The following PRKCE variants were observed in gnomAD, a reference collection of about 807,000 sequenced individuals.
The protein encoded by PRKCE is protein kinase C epsilon type.
A neutral mutation model predicts 85.4 loss-of-function variants in PRKCE; 16 were observed. The observed-to-expected ratio is 0.19, with a 90% CI of 0.13 to 0.28. The LOEUF (loss-of-function observed/expected upper bound fraction) is 0.28. Among genes scored for constraint, PRKCE ranks in the 10% least tolerant of loss-of-function variants. The pLI is 1.00. For synonymous variants in PRKCE, 388 were observed against 371.5 expected, an observed-to-expected ratio of 1.04 and a Z score of -0.51; for missense variants, 573 against 975.2, an observed-to-expected ratio of 0.59 and a Z score of 5.49.
chr2:45,710,266 A>C (rs1161043863), intron 1 of PRKCE, among the ~76,000 whole-genome samples: 1 of 152,234 alleles, frequency 6.6e-6, no homozygotes, highest in Non-Finnish European at 1.5e-5. Context: ...TGAGAGATTA[A>C]GGAACACATC....
intron 2 of PRKCE, among the ~76,000 whole-genome samples, chr2:45,972,596 T>C (rs1435595078): frequency 6.6e-6 from 1 of 152,226 alleles, no homozygotes; most frequent in African/African-American, 2.4e-5. Context: ...ATGGTTTCAG[T>C]GTTTACATTT....
chr2:45,808,737 G>A (rs1389215573), intron 1 of PRKCE, among the ~76,000 whole-genome samples: 1 of 152,176 alleles, frequency 6.6e-6, no homozygotes, highest in Admixed American at 6.5e-5. Flanking sequence ...ATAATCTTAG[G>A]ACTGGAAATT....
rs568850760 is a variant in PRKCE, at chr2:45,817,562, T to C, written c.349-25438T>C. Among the ~76,000 whole-genome samples, 104 of 151,946 alleles carry C rather than the reference T, an allele frequency of 6.8e-4. 1 individual carries two copies. The highest frequency in any genetic ancestry group is 2.3e-3 in the South Asian group (11 of 4,812). ...CAAAAAAATCAGCCGGGCATGGTGGTGGGCGCCTGTAGTCCCAGCTACTCA... is the reference window on the plus strand; with the variant it reads ...CAAAAAAATCAGCCGGGCATGGTGGCGGGCGCCTGTAGTCCCAGCTACTCA... On this transcript the variant is annotated intron_variant, in intron 1 of 14. Transcript: ENST00000306156.
At chr2:46,176,189 T>C (rs556148187) in intron 14 of PRKCE, among the ~76,000 whole-genome samples, 1 of 152,134 alleles carries the variant, frequency 6.6e-6, no homozygotes, top group Non-Finnish European at 1.5e-5. Flanking sequence ...TAAGAGGAAA[T>C]TGAAACCCAA....
intron 2 of PRKCE, among the ~76,000 whole-genome samples, chr2:45,885,084 C>A (rs1393026582): frequency 1.4e-5 from 2 of 148,102 alleles, no homozygotes; most frequent in Admixed American, 1.4e-4. Context: ...AGAAACAATG[C>A]CACAGTGAGC....
chr2:45,893,233 G>C (rs1573776825), intron 2 of PRKCE, among the ~76,000 whole-genome samples: 1 of 152,158 alleles, frequency 6.6e-6, no homozygotes, highest in East Asian at 1.9e-4. Flanking sequence ...TGATAGAAGG[G>C]CATGACCTGT....
chr2:45,843,889 G>A (rs928275306), intron 2 of PRKCE, among the ~76,000 whole-genome samples: 3 of 152,334 alleles, frequency 2.0e-5, no homozygotes. Context: ...AGGGATATTG[G>A]AAGACCATGT....
intron 1 of PRKCE, among the ~76,000 whole-genome samples, chr2:45,702,596 A>G (rs770812217): frequency 1.8e-4 from 28 of 152,202 alleles, no homozygotes; most frequent in Non-Finnish European, 8.8e-5. Flanking sequence ...ACCTGGTTCC[A>G]TAAACATTTG....
intron 1 of PRKCE, among the ~76,000 whole-genome samples, chr2:45,694,998 C>T (rs1436661949): frequency 2.0e-5 from 3 of 152,120 alleles, no homozygotes; most frequent in Non-Finnish European, 4.4e-5. Flanking sequence ...TATAAAGAGC[C>T]AACTGCCTCA....
At chr2:45,890,103 T>C (rs1056692024) in intron 2 of PRKCE, among the ~76,000 whole-genome samples, 34 of 152,254 alleles carry the variant, frequency 2.2e-4, no homozygotes, top group Non-Finnish European at 4.4e-4. Context: ...ATTTGAGTCC[T>C]CTCCCTTGGT....
chr2:45,959,013 G>T (rs1701203775), intron 2 of PRKCE, among the ~76,000 whole-genome samples: 1 of 150,928 alleles, frequency 6.6e-6, no homozygotes, highest in Non-Finnish European at 1.5e-5. Flanking sequence ...AGGCTGACAG[G>T]TTAAGAGTCA....
intron 6 of PRKCE, among the ~76,000 whole-genome samples, chr2:45,992,551 C>T (rs1385306315): frequency 1.3e-5 from 2 of 152,212 alleles, no homozygotes; most frequent in African/African-American, 2.4e-5. Flanking sequence ...TATTTGCTCT[C>T]TGTCTCTGAG....
chr2:45,699,674 G>GT (rs1678456262), intron 1 of PRKCE, among the ~76,000 whole-genome samples: 2 of 152,288 alleles, frequency 1.3e-5, no homozygotes, highest in African/African-American at 4.8e-5. Flanking sequence ...AACCAGTCTT[G>GT]TTTTTTTATG....
chr2:45,759,969 A>G (rs1684325314), intron 1 of PRKCE, among the ~76,000 whole-genome samples: 3 of 152,170 alleles, frequency 2.0e-5, no homozygotes, highest in African/African-American at 4.8e-5. Flanking sequence ...GCAGCCCTTG[A>G]GTCTTAGCTT....
chr2:46,166,468 G>T (rs1040923650), intron 14 of PRKCE, among the ~76,000 whole-genome samples: 5 of 152,254 alleles, frequency 3.3e-5, no homozygotes, highest in African/African-American at 7.2e-5. Context: ...GGGCTGGAGG[G>T]CATGGGAAAA....
intron 1 of PRKCE, among the ~76,000 whole-genome samples, chr2:45,709,849 A>T (rs1342864578): frequency 6.6e-6 from 1 of 152,026 alleles, no homozygotes; most frequent in Non-Finnish European, 1.5e-5. Flanking sequence ...TCACTCTGTC[A>T]CCCAGGCTGG....
chr2:46,103,663 A>G (rs1671447794), intron 11 of PRKCE, among the ~76,000 whole-genome samples: 1 of 152,230 alleles, frequency 6.6e-6, no homozygotes, highest in Non-Finnish European at 1.5e-5. Context: ...CCTTACTGAT[A>G]ACATAAACAG....
chr2:45,685,321 TA>T (rs1304995149), intron 1 of PRKCE: 1 of 152,226 alleles, frequency 6.6e-6, no homozygotes, highest in Non-Finnish European at 1.5e-5. Flanking sequence ...TGGATTACAG[TA>T]ATTTCTTTTT....
intron 2 of PRKCE, among the ~76,000 whole-genome samples, chr2:45,853,999 G>C (rs771970921): frequency 6.6e-6 from 1 of 152,084 alleles, no homozygotes; most frequent in Non-Finnish European, 1.5e-5. Context: ...GCATTCCCCT[G>C]GTTCATGACA....
Sources: gnomAD v4.1 joint callset for allele counts (sites outside exome capture counted in the v4.1 genomes callset) on GRCh38, gnomAD v4.1.1 for gene constraint, MANE v1.5 for transcripts, NCBI Gene and HGNC (gene_info 2026-07-23, HGNC 2026-07-21) for gene names.